UBE4B: variants seen among roughly 807,000 people sequenced by gnomAD.
UBE4B encodes ubiquitin conjugation factor E4 B.
A neutral mutation model predicts 148.1 loss-of-function variants in UBE4B; 27 were observed. The ratio of observed to expected loss-of-function variants is 0.18; its 90% CI spans 0.13 to 0.25. The LOEUF (loss-of-function observed/expected upper bound fraction) is 0.25. Ranked by LOEUF, UBE4B falls within the 10% of genes least tolerant of loss-of-function variation. The pLI is 1.00. For missense variants in UBE4B, 1,170 were observed against 1,662.4 expected (o/e 0.70, Z 5.15); for synonymous variants, 596 against 619.3 (o/e 0.96, Z 0.56).
chr1:10,106,719 GT>G lies in UBE4B; in HGVS notation c.1196+139del, dbSNP rs1294050760. The G allele has an allele frequency of 8.3e-7, 1 of 1,200,914 alleles. No homozygotes were observed. Among genetic ancestry groups the G allele is most frequent in the African/African-American group, 1.5e-5 (1 of 64,654 alleles). The allele number at this position is 1,200,914 out of a possible 1,614,324, so 74.4% of individuals were successfully genotyped here. A position where few individuals can be genotyped will look rare whatever the true frequency, so the allele number is the denominator to read the frequency against. ...GGTTATTAACCTGTGTGGCTAACTA[GT>G]TTGGTAGGCACGTACTCTGAGTCCA... On this transcript the variant is annotated intron_variant, in intron 7 of 27. Transcript: ENST00000343090. The surrounding 1 kb of genome is among the most constrained non-coding windows in gnomAD (Gnocchi z 4.2).
chr1:10,115,452 G>A (rs1457717160), intron 7 of UBE4B, among the ~76,000 whole-genome samples: 3 of 150,520 alleles, frequency 2.0e-5, no homozygotes, highest in African/African-American at 4.9e-5. Context: ...TGTATTTTTA[G>A]TTGAGATAGG....
chr1:10,122,170 G>T (rs529783529), intron 10 of UBE4B, 94 bp downstream of exon 10: 1 of 759,756 alleles, frequency 1.3e-6, no homozygotes, highest in Non-Finnish European at 2.2e-6. Flanking sequence ...GCCTGAATTC[G>T]AACATCCATG....
chr1:10,155,748 C>T (rs1334825903), intron 21 of UBE4B, among the ~76,000 whole-genome samples: 4 of 152,190 alleles, frequency 2.6e-5, no homozygotes, highest in African/African-American at 9.7e-5. Context: ...TTAGGCTGGG[C>T]GTGGTGGCTC....
chr1:10,147,050 A>G lies in UBE4B; in HGVS notation c.2551A>G (p.Ile851Val). Reference protein sequence around the residue: ...RRCLNFYGLLIQLLLRILDPA... With the variant: ...RRCLNFYGLLVQLLLRILDPA... ...ATGTCTGAATTTTTATGGCCTTCTC[A>G]TTCAGCTGCTGCTCCGCATCCTGGA... The change falls in exon 19 of 28, where the codon ATT becomes GTT. Residue 851 changes from isoleucine to valine, a missense_variant. By Grantham distance (29) the Ile-to-Val change is conservative. Transcript: ENST00000343090. 1 of 1,614,120 alleles carries G rather than the reference A, an allele frequency of 6.2e-7. No homozygotes were observed. The highest frequency in any genetic ancestry group is 1.1e-5 in the South Asian group (1 of 91,082).
chr1:10,061,426 T>C (rs1644283306), intron 1 of UBE4B, among the ~76,000 whole-genome samples: 3 of 152,092 alleles, frequency 2.0e-5, no homozygotes, highest in Admixed American at 6.6e-5. Context: ...AGCTAATCTT[T>C]TATATTTTTT....
intron 10 of UBE4B, among the ~76,000 whole-genome samples, chr1:10,123,685 C>T (rs913142283): frequency 6.6e-6 from 1 of 152,036 alleles, no homozygotes; most frequent in Non-Finnish European, 1.5e-5. Context: ...GTTTGTTTCC[C>T]CATCACCAGC....
chr1:10,136,764 G>C (rs1246746584), intron 16 of UBE4B, among the ~76,000 whole-genome samples: 1 of 151,774 alleles, frequency 6.6e-6, no homozygotes, highest in African/African-American at 2.4e-5. Context: ...TCCTAAAAAT[G>C]CAAAAGTAGC....
Position 10,103,689 on chromosome 1 carries a change from G to C in UBE4B, c.580+597G>C, listed in dbSNP as rs562333492. On this transcript the variant is annotated intron_variant, in intron 5 of 27. Transcript: ENST00000343090. ...CTCTGGCACCAGGCTGGAGTGCAGT[G>C]GCGCAGTCTTGGCTCACTGCAACTC... Among the ~76,000 whole-genome samples the C allele has an allele frequency of 1.5e-4, 22 of 147,974 alleles. No homozygotes were observed. In the East Asian group the frequency reaches 3.3e-3, roughly 22 times the overall value.
At position 10,060,578 on chromosome 1, in the gene UBE4B, G is replaced by T. The variant is rs527918584; in HGVS notation, c.25-11450G>T. Among the ~76,000 whole-genome samples the T allele has an allele frequency of 7.9e-5, 12 of 152,188 alleles. No individual in the cohort carries two copies. In the South Asian group the frequency reaches 2.5e-3, roughly 32 times the overall value. On this transcript the variant is annotated intron_variant, in intron 1 of 27. Coordinates refer to ENST00000343090, the MANE Select transcript of UBE4B (RefSeq NM_001105562.3). ...GATGAGTCCTGAATGTTTATGTATG[G>T]CATTTTCCTTTACCAAAACAAAACA...
At chr1:10,172,507 T>A (rs1336654168) in intron 25 of UBE4B, among the ~76,000 whole-genome samples, 1 of 152,130 alleles carries the variant, frequency 6.6e-6, no homozygotes, top group Non-Finnish European at 1.5e-5. Flanking sequence ...TGAACCCATA[T>A]CCTCAGTCTC....
chr1:10,163,329 C>T (rs1646196707), intron 23 of UBE4B: 1 of 152,142 alleles, frequency 6.6e-6, no homozygotes, highest in African/African-American at 2.4e-5. Context: ...TACCATGGCC[C>T]CTGCTCGAGG....
intron 2 of UBE4B, among the ~76,000 whole-genome samples, chr1:10,073,570 A>G (rs1165853092): frequency 2.6e-5 from 4 of 152,072 alleles, no homozygotes; most frequent in Non-Finnish European, 5.9e-5. Flanking sequence ...AAAAAATACA[A>G]AAAGCCGGGT....
At chr1:10,169,337 C>T (rs75611566) in intron 24 of UBE4B, among the ~76,000 whole-genome samples, 1 of 152,172 alleles carries the variant, frequency 6.6e-6, no homozygotes, top group African/African-American at 2.4e-5. Context: ...TCTGTATTTG[C>T]TCTTACCTTC....
chr1:10,033,675 A>G lies in UBE4B; in HGVS notation c.5A>G (p.Glu2Gly). 1 of 1,571,412 alleles carries G rather than the reference A, an allele frequency of 6.4e-7. No individual in the cohort carries two copies. The highest frequency in any genetic ancestry group is 8.6e-7 in the Non-Finnish European group (1 of 1,159,916). The change falls in exon 1 of 28, where the codon GAG becomes GGG. Residue 2 changes from glutamate to glycine, a missense_variant. Glu to Gly is a moderately conservative substitution (Grantham distance 98, BLOSUM62 -2). Around this residue, in one of 6 missense-constraint regions of UBE4B, gnomAD observed 127 missense variants for 153.2 expected, o/e 0.83. Transcript: ENST00000343090. ...TTCACCATTAAGAGGAAAGCGATGG[A>G]GGAGCTGAGCGCTGATGAGGTGAGG... M[E>G]ELSADEIRRR...
At chr1:10,174,146 A>C (rs1362584227) in intron 25 of UBE4B, among the ~76,000 whole-genome samples, 1 of 152,216 alleles carries the variant, frequency 6.6e-6, no homozygotes, top group Non-Finnish European at 1.5e-5. Flanking sequence ...CTGTAATCCC[A>C]GCACTTTGGG....
intron 12 of UBE4B, 91 bp from the exon 13 acceptor site, chr1:10,130,409 T>C: frequency 1.8e-6 from 2 of 1,088,758 alleles, no homozygotes; most frequent in South Asian, 2.6e-5. Context: ...TAATATCTTG[T>C]GAAAATACAG....
intron 1 of UBE4B, among the ~76,000 whole-genome samples, chr1:10,051,570 C>G (rs1205952496): frequency 1.3e-5 from 2 of 152,152 alleles, no homozygotes; most frequent in African/African-American, 4.8e-5. Context: ...TCTCTTCTCA[C>G]CCAGGGGCCA....
intron 7 of UBE4B, among the ~76,000 whole-genome samples, chr1:10,107,576 CTTTT>C (rs60975850): frequency 1.6e-5 from 2 of 128,246 alleles, no homozygotes; most frequent in Middle Eastern, 4.0e-3. Flanking sequence ...TTCTTTCTTT[CTTTT>C]TTTTTTTTTT....
At chr1:10,044,873 G>A (rs1643882321) in intron 1 of UBE4B, among the ~76,000 whole-genome samples, 1 of 152,146 alleles carries the variant, frequency 6.6e-6, no homozygotes, top group African/African-American at 2.4e-5. Context: ...ATGAGCCACC[G>A]CGCCTGGCCT....
Sources: gnomAD v4.1 joint callset for allele counts (sites outside exome capture counted in the v4.1 genomes callset) on GRCh38, gnomAD v4.1.1 for gene constraint, gnomAD v4.1.1 regional missense constraint, Gnocchi (gnomAD v3.1) non-coding constraint, MANE v1.5 for transcripts, NCBI Gene and HGNC (gene_info 2026-07-23, HGNC 2026-07-21) for gene names.